Variants in RBFOX1 observed in about 807,000 individuals in gnomAD.
RBFOX1 encodes the protein RNA binding fox-1 homolog 1, also known as RNA binding protein fox-1 homolog 1.
A neutral mutation model predicts 57.7 loss-of-function variants in RBFOX1; 8 were observed. That is an observed-to-expected ratio of 0.14 (90% CI 0.08 to 0.25). The LOEUF is 0.25. Ranked by LOEUF, RBFOX1 falls within the 10% of genes least tolerant of loss-of-function variation. The pLI is 1.00. For synonymous variants in RBFOX1, 326 were observed against 222.4 expected, an observed-to-expected ratio of 1.47 and a Z score of -4.15; for missense variants, 611 against 548.5, an observed-to-expected ratio of 1.11 and a Z score of -1.14.
intron 3 of RBFOX1, among the ~76,000 whole-genome samples, chr16:5,814,677 C>A (rs1244427249): frequency 6.6e-6 from 1 of 152,164 alleles, no homozygotes; most frequent in South Asian, 2.1e-4. Context: ...GCCTGTAATC[C>A]CAGCACTTTG....
chr16:5,389,236 A>G (rs1448307422), intron 1 of RBFOX1, among the ~76,000 whole-genome samples: 1 of 152,160 alleles, frequency 6.6e-6, no homozygotes, highest in Non-Finnish European at 1.5e-5. Flanking sequence ...GATTTTTGTG[A>G]AAATTTCAAA....
chr16:7,321,217 T>C (rs2143016848), intron 4 of RBFOX1, among the ~76,000 whole-genome samples: 1 of 152,266 alleles, frequency 6.6e-6, no homozygotes, highest in South Asian at 2.1e-4. Flanking sequence ...CGATCTCATC[T>C]CACTGCAACC....
At chr16:7,162,994 T>C (rs1276363007) in intron 4 of RBFOX1, among the ~76,000 whole-genome samples, 1 of 152,152 alleles carries the variant, frequency 6.6e-6, no homozygotes, top group African/African-American at 2.4e-5. Flanking sequence ...CACGATCCTG[T>C]TACATTGCAT....
chr16:7,668,692 A>G (rs145338291), intron 13 of RBFOX1, among the ~76,000 whole-genome samples: 45 of 152,300 alleles, frequency 3.0e-4, no homozygotes, highest in African/African-American at 1.1e-3. Context: ...TTTTGTATAA[A>G]AAGATAGATA....
chr16:6,961,140 C>G lies in RBFOX1; in HGVS notation c.-15-90917C>G, dbSNP rs56246153. ...CCTGGGCAATAGAGACTCCATCACA[C>G]ACACCCACACAGACACACACACGCA... On this transcript the variant is annotated intron_variant, in intron 3 of 15. Transcript: ENST00000550418. Among the ~76,000 whole-genome samples, 925 of 150,128 alleles carry G rather than the reference C, an allele frequency of 6.2e-3. 5 individuals are homozygous for G. Among genetic ancestry groups the G allele is most frequent in the African/African-American group, 0.021 (861 of 40,820 alleles).
At chr16:6,782,317 A>G (rs2081169274) in intron 3 of RBFOX1, among the ~76,000 whole-genome samples, 1 of 152,092 alleles carries the variant, frequency 6.6e-6, no homozygotes, top group South Asian at 2.1e-4. Flanking sequence ...ATAAACTACC[A>G]TCTTAGTACT....
At chr16:5,941,485 A>G (rs563421468) in intron 4 of RBFOX1, among the ~76,000 whole-genome samples, 1 of 151,658 alleles carries the variant, frequency 6.6e-6, no homozygotes, top group East Asian at 1.9e-4. Flanking sequence ...GCAAGATCTT[A>G]TCTCAAGGAA....
At chr16:6,231,001 T>A (rs2097454967) in intron 1 of RBFOX1, among the ~76,000 whole-genome samples, 1 of 152,174 alleles carries the variant, frequency 6.6e-6, no homozygotes, top group Non-Finnish European at 1.5e-5. Flanking sequence ...ACCAGTAAAC[T>A]GTTACATCAG....
intron 3 of RBFOX1, among the ~76,000 whole-genome samples, chr16:5,748,168 G>C (rs7500712): frequency 0.29 from 43,894 of 151,566 alleles, 6,767 homozygotes; most frequent in East Asian, 0.6. Flanking sequence ...GTTCAGTTTC[G>C]ATGTAGTTGA....
rs563653113 is a variant in RBFOX1 at position 5,824,837 on chromosome 16, C to T, written c.319-42466C>T. On this transcript the variant is annotated intron_variant, in intron 3 of 19. Coordinates refer to the RBFOX1 transcript ENST00000641259. The stretch of plus-strand genomic sequence containing the variant: ...GGGAACCCTGAGGCCTACTTCCCAT[C>T]CCTGGTTCCCGAGGTGGGCTAGGAG... 3.3e-5 allele frequency among the ~76,000 whole-genome samples: 5 copies of T among 152,234 alleles called. No individual in the cohort carries two copies. The East Asian group carries it at 9.7e-4, about 29-fold the overall frequency.
intron 4 of RBFOX1, among the ~76,000 whole-genome samples, chr16:5,951,335 C>G (rs2059515866): frequency 6.6e-6 from 1 of 151,972 alleles, no homozygotes; most frequent in Non-Finnish European, 1.5e-5. Context: ...GTAGTCCCAG[C>G]TATTCAAGAG....
At chr16:6,533,097 T>C (rs2096682568) in intron 2 of RBFOX1, among the ~76,000 whole-genome samples, 1 of 152,346 alleles carries the variant, frequency 6.6e-6, no homozygotes, top group Non-Finnish European at 1.5e-5. Flanking sequence ...GCATCCTAGG[T>C]TGGCCTAGTG....
At chr16:5,761,152 T>C (rs897504078) in intron 3 of RBFOX1, among the ~76,000 whole-genome samples, 5 of 152,128 alleles carry the variant, frequency 3.3e-5, no homozygotes, top group Non-Finnish European at 7.4e-5. Flanking sequence ...AAAGAAGAAA[T>C]GCTTCTGTAG....
At chr16:6,839,762 A>T (rs1377411487) in intron 3 of RBFOX1, among the ~76,000 whole-genome samples, 1 of 152,224 alleles carries the variant, frequency 6.6e-6, no homozygotes, top group Non-Finnish European at 1.5e-5. Context: ...TAAGCAGTTG[A>T]AACATTTGGA....
At chr16:6,881,345 T>C (rs542854208) in intron 3 of RBFOX1, among the ~76,000 whole-genome samples, 35 of 152,222 alleles carry the variant, frequency 2.3e-4, no homozygotes, top group African/African-American at 7.5e-4. Flanking sequence ...TGCCACAGGT[T>C]GGGTGGCTAA....
rs575558765 is a variant in RBFOX1, at chr16:7,250,800, C to T, written c.27+198702C>T. On this transcript the variant is annotated intron_variant, in intron 4 of 15. Transcript: ENST00000550418. ...ACCAAAGAATCAGGCACCAAGACAG[C>T]TGCAGTTTCTCTGGCTACTCTGTTT... 1.1e-4 allele frequency among the ~76,000 whole-genome samples: 16 copies of T among 152,310 alleles called. No individual in the cohort carries two copies. The South Asian group carries it at 3.3e-3, about 32-fold the overall frequency.
At chr16:6,520,391 A>C (rs2153800262) in intron 2 of RBFOX1, among the ~76,000 whole-genome samples, 1 of 152,308 alleles carries the variant, frequency 6.6e-6, no homozygotes, top group Admixed American at 6.5e-5. Flanking sequence ...TTGTGTTTTA[A>C]GAAATGTTAC....
chr16:6,931,259 C>CAAA lies in RBFOX1; in HGVS notation c.-15-120788_-15-120786dup, dbSNP rs547697510. Among the ~76,000 whole-genome samples, 184 of 137,584 alleles carry CAAA rather than the reference C, an allele frequency of 1.3e-3. 1 individual carries two copies. Among genetic ancestry groups the CAAA allele is most frequent in the African/African-American group, 4.6e-3 (172 of 37,178 alleles). 90.3% of individuals were successfully genotyped at this position (137,584 alleles called of 152,430 possible). A position where few individuals can be genotyped will look rare whatever the true frequency, so the allele number is the denominator to read the frequency against. On this transcript the variant is annotated intron_variant, in intron 3 of 15. Transcript: ENST00000550418. ...GGGGTTGTTTGCTCTTTGGTGCTACCAAAAAAAAAAAATCTATCTATCTGT... is the reference window on the plus strand; with the variant it reads ...GGGGTTGTTTGCTCTTTGGTGCTACCAAAAAAAAAAAAAAATCTATCTATCTGT...
intron 2 of RBFOX1, among the ~76,000 whole-genome samples, chr16:6,621,348 C>T (rs867541803): frequency 4.6e-5 from 7 of 152,286 alleles, no homozygotes; most frequent in African/African-American, 7.2e-5. Context: ...CCTGTAGTCC[C>T]AGCTACTCGG....
Sources: allele counts gnomAD v4.1 joint callset (sites outside exome capture counted in the v4.1 genomes callset), GRCh38; gene constraint gnomAD v4.1.1; transcripts MANE v1.5; gene names NCBI Gene and HGNC (gene_info 2026-07-23, HGNC 2026-07-21).